Variants in FNDC3A observed in about 807,000 individuals in gnomAD.
The protein encoded by FNDC3A is fibronectin type-III domain-containing protein 3A.
FNDC3A carries 32 observed loss-of-function variants against 148.9 expected under a neutral mutation model. That is an observed-to-expected ratio of 0.21 (90% confidence interval 0.16 to 0.29). FNDC3A has a LOEUF of 0.29. Ranked by LOEUF, FNDC3A falls within the 10% of genes least tolerant of loss-of-function variation. The probability of loss-of-function intolerance (pLI) is 1.00; values close to 1 mark genes in which losing one functional copy is unlikely to be tolerated. For missense variants in FNDC3A, 1,191 were observed against 1,452.8 expected (o/e 0.82, Z 2.93); for synonymous variants, 472 against 473.6 (o/e 1.00, Z 0.04).
At chr13:49,011,234 GTCTT>G (rs987699382) in intron 2 of FNDC3A, among the ~76,000 whole-genome samples, 7 of 116,080 alleles carry the variant, frequency 6.0e-5, no homozygotes, top group African/African-American at 1.9e-4. Flanking sequence ...TCTCTTTGAT[GTCTT>G]TCTTTTTTTT....
At chr13:49,158,326 C>T (rs1352002803) in intron 8 of FNDC3A, among the ~76,000 whole-genome samples, 1 of 152,234 alleles carries the variant, frequency 6.6e-6, no homozygotes, top group African/African-American at 2.4e-5. Context: ...GGAAAGGGAA[C>T]TCCCTGACCC....
At chr13:49,029,402 T>A (rs1873951798) in intron 2 of FNDC3A, among the ~76,000 whole-genome samples, 1 of 152,150 alleles carries the variant, frequency 6.6e-6, no homozygotes, top group African/African-American at 2.4e-5. Flanking sequence ...ATACTAAAAT[T>A]TATGAAATAC....
intron 2 of FNDC3A, among the ~76,000 whole-genome samples, chr13:49,037,313 A>G (rs746521653): frequency 2.6e-5 from 4 of 152,186 alleles, no homozygotes; most frequent in Admixed American, 2.0e-4. Context: ...TGAATGCTGA[A>G]GTAATTTGAA....
intron 2 of FNDC3A, among the ~76,000 whole-genome samples, chr13:49,070,113 GT>G (rs1027350241): frequency 1.3e-5 from 2 of 152,080 alleles, no homozygotes; most frequent in African/African-American, 2.4e-5. Context: ...CATAAGTAGT[GT>G]TTTTTTAAAA....
At position 49,196,996 on chromosome 13, in the gene FNDC3A, G is replaced by A; in HGVS notation, c.2340+6G>A. The A allele has an allele frequency of 6.5e-7, 1 of 1,537,160 alleles. No individual in the cohort carries two copies. The highest frequency in any genetic ancestry group is 9.0e-7 in the Non-Finnish European group (1 of 1,114,736). On this transcript the variant is annotated splice_donor_region_variant and intron_variant, in intron 20 of 25. Coordinates refer to ENST00000492622, the MANE Select transcript of FNDC3A (RefSeq NM_001079673.2). ...GTGCACAAGTGAATTGGGAGGTATTGTAATTTCCATTGACTTGTATCTACT... is the reference window on the plus strand; with the variant it reads ...GTGCACAAGTGAATTGGGAGGTATTATAATTTCCATTGACTTGTATCTACT...
chr13:48,977,062 T>C (rs1267868513), intron 1 of FNDC3A: 1 of 152,226 alleles, frequency 6.6e-6, no homozygotes, highest in East Asian at 1.9e-4. Context: ...ATGCGATGAT[T>C]TGCTGGGGGT....
At chr13:49,056,085 C>A (rs1876217725) in intron 2 of FNDC3A, among the ~76,000 whole-genome samples, 1 of 151,756 alleles carries the variant, frequency 6.6e-6, no homozygotes, top group Non-Finnish European at 1.5e-5. Flanking sequence ...TACTCAGAGG[C>A]TGAGGTGGGC....
At chr13:49,150,871 G>A (rs566718340) in intron 8 of FNDC3A, among the ~76,000 whole-genome samples, 49 of 151,106 alleles carry the variant, frequency 3.2e-4, no homozygotes, top group African/African-American at 1.2e-3. Flanking sequence ...CTTGAACCTG[G>A]GAGACAGAGG....
At chr13:49,187,089 C>T (rs1211150411) in intron 15 of FNDC3A, 33 bp from the exon 16 acceptor site, 2 of 1,501,182 alleles carry the variant, frequency 1.3e-6, no homozygotes, top group South Asian at 1.2e-5. Context: ...TTGTTTTGTA[C>T]CTTGCCTAAT....
At chr13:49,161,523 G>A (rs1449420761) in intron 8 of FNDC3A, among the ~76,000 whole-genome samples, 3 of 152,092 alleles carry the variant, frequency 2.0e-5, no homozygotes, top group Non-Finnish European at 4.4e-5. Context: ...TGGGACCCCT[G>A]AATACAGCAC....
At chr13:48,992,259 G>A (rs1951936139) in intron 1 of FNDC3A, among the ~76,000 whole-genome samples, 1 of 152,122 alleles carries the variant, frequency 6.6e-6, no homozygotes, top group African/African-American at 2.4e-5. Context: ...CTTAAGTATA[G>A]CATTGAAAGC....
chr13:49,019,147 G>A (rs916352060), intron 2 of FNDC3A, among the ~76,000 whole-genome samples: 10 of 152,258 alleles, frequency 6.6e-5, no homozygotes, highest in African/African-American at 2.2e-4. Context: ...GAGCTTCTGG[G>A]CTGCTTTGTT....
chr13:49,094,631 A>G (rs768205989), intron 3 of FNDC3A, among the ~76,000 whole-genome samples: 9 of 152,070 alleles, frequency 5.9e-5, no homozygotes, highest in Non-Finnish European at 8.8e-5. Context: ...CCTGACTCCC[A>G]TGAAGTTTAC....
At chr13:49,054,499 G>C (rs1876081917) in intron 2 of FNDC3A, among the ~76,000 whole-genome samples, 1 of 152,246 alleles carries the variant, frequency 6.6e-6, no homozygotes, top group Non-Finnish European at 1.5e-5. Context: ...GCCATACTGA[G>C]CATGCATGTC....
intron 2 of FNDC3A, among the ~76,000 whole-genome samples, chr13:49,072,843 C>T (rs1328785863): frequency 8.3e-6 from 1 of 120,770 alleles, no homozygotes; most frequent in African/African-American, 2.6e-5. Context: ...ATTTGTTTGT[C>T]AGTTCTAAGA....
intron 8 of FNDC3A, among the ~76,000 whole-genome samples, chr13:49,153,836 C>T (rs1282167033): frequency 8.1e-4 from 90 of 111,350 alleles, no homozygotes; most frequent in Middle Eastern, 3.8e-3. Context: ...TGTAGATATG[C>T]GGCGTTATTT....
chr13:49,197,729 C>G lies in FNDC3A; in HGVS notation c.2345C>G (p.Pro782Arg). Reference protein sequence around the residue: ...ATCAQVNWEVPLSNGTDVTEY... With the variant: ...ATCAQVNWEVRLSNGTDVTEY... ...TATCCTTTTCTTAATTTAAAGGTTC[C>G]TTTGAGTAATGGAACAGATGTCACT... The change falls in exon 21 of 26, where the codon CCT (proline) becomes CGT (arginine). Residue 782 changes from proline to arginine, a missense_variant. Physicochemically the swap from Pro to Arg is moderately radical, Grantham distance 103. Transcript: ENST00000492622. 6.2e-7 allele frequency: 1 copy of G among 1,601,046 alleles called. No homozygotes were observed. Among genetic ancestry groups the G allele is most frequent in the Non-Finnish European group, 8.5e-7 (1 of 1,177,056 alleles).
chr13:49,162,953 C>G (rs1593689077), intron 8 of FNDC3A, among the ~76,000 whole-genome samples: 1 of 152,256 alleles, frequency 6.6e-6, no homozygotes, highest in East Asian at 1.9e-4. Context: ...TGCAGAACAG[C>G]AAATATTGCA....
At position 49,008,371 on chromosome 13, in the gene FNDC3A, C is replaced by T. The variant is rs185189501; in HGVS notation, c.99+2082C>T. Reference sequence around the variant, plus strand: ...GTCTTAACACAAGAACTTATTGATACGCCAAGTTATAGCTTACCTATGGAG... The same window carrying T: ...GTCTTAACACAAGAACTTATTGATATGCCAAGTTATAGCTTACCTATGGAG... On this transcript the variant is annotated intron_variant, in intron 2 of 25. Transcript: ENST00000492622. 1.1e-3 allele frequency among the ~76,000 whole-genome samples: 173 copies of T among 152,246 alleles called. 1 individual carries two copies. The highest frequency in any genetic ancestry group is 1.2e-3 in the East Asian group (6 of 5,180).
Sources: gnomAD v4.1 joint callset for allele counts (sites outside exome capture counted in the v4.1 genomes callset) on GRCh38, gnomAD v4.1.1 for gene constraint, MANE v1.5 for transcripts, NCBI Gene and HGNC (gene_info 2026-07-23, HGNC 2026-07-21) for gene names.